The following CCDC169 variants were observed in gnomAD, a reference collection of about 807,000 sequenced individuals.
CCDC169 encodes the protein coiled-coil domain containing 169, also known as coiled-coil domain-containing protein 169.
A neutral mutation model predicts 36.0 loss-of-function variants in CCDC169; 30 were observed. That is an observed-to-expected ratio of 0.83 (90% CI 0.62 to 1.13). The LOEUF (loss-of-function observed/expected upper bound fraction) is 1.13, where lower values mean the gene tolerates loss of function less well. Ranked by LOEUF, CCDC169 falls within the 50% of genes most tolerant of loss-of-function variation. The pLI, the probability that CCDC169 is intolerant of heterozygous loss-of-function variation, is 0.00. For synonymous variants in CCDC169, 85 were observed against 81.5 expected (o/e 1.04, Z -0.23); for missense variants, 245 against 245.9 (o/e 1.00, Z 0.03).
chr13:36,249,702 G>T (rs1226178474), intron 6 of CCDC169, among the ~76,000 whole-genome samples: 1 of 151,566 alleles, frequency 6.6e-6, no homozygotes, highest in Non-Finnish European at 1.5e-5. Context: ...ATAAGCCAAA[G>T]GCAGTAAAAG....
intron 7 of CCDC169, among the ~76,000 whole-genome samples, chr13:36,246,614 T>C (rs978748): frequency 1 from 152,319 of 152,360 alleles, 76,139 homozygotes; most frequent in Non-Finnish European, 1. Flanking sequence ...AGTGAAGCAG[T>C]AAGTGCTGAT....
chr13:36,237,658 G>C (rs1032579902), intron 7 of CCDC169, among the ~76,000 whole-genome samples: 6 of 152,154 alleles, frequency 3.9e-5, no homozygotes, highest in Non-Finnish European at 7.3e-5. Context: ...CCATGAAAAT[G>C]TTATATTAAG....
chr13:36,280,065 A>G (rs985254098), intron 4 of CCDC169: 14 of 147,402 alleles, frequency 9.5e-5, no homozygotes, highest in Admixed American at 9.0e-4. Context: ...GATAAAATTT[A>G]CTAGATCTTT....
chr13:36,280,706 T>C (rs1372659048), intron 4 of CCDC169: 1 of 152,368 alleles, frequency 6.6e-6, no homozygotes, highest in East Asian at 1.9e-4. Flanking sequence ...AACAGAACTG[T>C]CTACAGTGGA....
At chr13:36,257,635 G>A (rs370657251) in intron 4 of CCDC169, among the ~76,000 whole-genome samples, 14 of 152,034 alleles carry the variant, frequency 9.2e-5, no homozygotes, top group South Asian at 6.2e-4. Context: ...CGCGGGAGGC[G>A]GGGGTTGTAG....
intron 6 of CCDC169, among the ~76,000 whole-genome samples, chr13:36,252,367 T>C (rs1407632257): frequency 6.6e-6 from 1 of 152,240 alleles, no homozygotes; most frequent in Non-Finnish European, 1.5e-5. Context: ...ATACTTCCCT[T>C]TACCAACAAT....
At chr13:36,297,267 A>G (rs1257283614) in intron 1 of CCDC169, among the ~76,000 whole-genome samples, 1 of 151,658 alleles carries the variant, frequency 6.6e-6, no homozygotes, top group Non-Finnish European at 1.5e-5. Context: ...GGATGAAAGA[A>G]AAAAAAAACC....
In CCDC169 at chr13:36,297,784, C is replaced by A. The variant is rs1879722758; in HGVS notation, c.-65G>T. Reference sequence around the variant, plus strand: ...ACCTTAGAGCACAAGACATTAAGGGCCACCCAGAAGCCAGTACGGCACGAG... The same window carrying A: ...ACCTTAGAGCACAAGACATTAAGGGACACCCAGAAGCCAGTACGGCACGAG... On this transcript the variant is annotated 5_prime_UTR_variant, in exon 1 of 8. Coordinates refer to ENST00000239859, the MANE Select transcript of CCDC169 (RefSeq NM_001144981.3). The A allele has an allele frequency of 6.9e-6, 10 of 1,443,858 alleles. No homozygotes were observed. In the East Asian group the frequency reaches 2.2e-4, roughly 32 times the overall value. The allele number at this position is 1,443,858 out of a possible 1,614,324, so 89.4% of individuals were successfully genotyped here.
In CCDC169 at chr13:36,281,360, T is replaced by C. The variant is rs747874932; in HGVS notation, c.315+2109A>G. 61 of 399,292 alleles carry C rather than the reference T, an allele frequency of 1.5e-4. 1 individual carries two copies. The highest frequency in any genetic ancestry group is 2.8e-4 in the Non-Finnish European group (58 of 207,508). The allele number at this position is 399,292 out of a possible 1,614,324, so 24.7% of individuals were successfully genotyped here. A position where few individuals can be genotyped will look rare whatever the true frequency, so the allele number is the denominator to read the frequency against. On this transcript the variant is annotated intron_variant, in intron 4 of 7. Transcript: ENST00000239859. ...AAATGCAACCCTTGATACATCATGC[T>C]AAAATAAAATTTTAATAAATTACCC...
chr13:36,286,799 AG>A, intron 2 of CCDC169, among the ~76,000 whole-genome samples: 1 of 152,086 alleles, frequency 6.6e-6, no homozygotes, highest in East Asian at 1.9e-4. Context: ...TAGGGTGCTG[AG>A]GCTCTCCCTA....
At chr13:36,279,521 CT>C (rs980989423) in intron 4 of CCDC169, among the ~76,000 whole-genome samples, 1 of 152,138 alleles carries the variant, frequency 6.6e-6, no homozygotes, top group African/African-American at 2.4e-5. Context: ...GGTTCTCAAA[CT>C]TTTTTATTAG....
At chr13:36,237,995 T>C (rs1871290148) in intron 7 of CCDC169, among the ~76,000 whole-genome samples, 1 of 152,092 alleles carries the variant, frequency 6.6e-6, no homozygotes. Flanking sequence ...AATGACAAAA[T>C]TGCCTTATGA....
Position 36,270,792 on chromosome 13 carries a change from C to T in CCDC169, c.315+12677G>A, listed in dbSNP as rs559611967. ...CAACTCAAGATGGATCAAAGACTTACATATAAGATCTGAAAGTATAAAAAT... is the reference window on the plus strand; with the variant it reads ...CAACTCAAGATGGATCAAAGACTTATATATAAGATCTGAAAGTATAAAAAT... On this transcript the variant is annotated intron_variant, in intron 4 of 7. Transcript: ENST00000239859. Among the ~76,000 whole-genome samples, 270 of 149,580 alleles carry T rather than the reference C, an allele frequency of 1.8e-3. 2 individuals are homozygous for T. The highest frequency in any genetic ancestry group is 5.9e-3 in the African/African-American group (241 of 40,962).
intron 4 of CCDC169, among the ~76,000 whole-genome samples, chr13:36,266,443 G>A (rs1875331650): frequency 6.6e-6 from 1 of 152,140 alleles, no homozygotes. Context: ...CTATCCAGAT[G>A]TCCTGTCAGA....
chr13:36,276,871 T>C (rs1876892107), intron 4 of CCDC169, among the ~76,000 whole-genome samples: 1 of 152,192 alleles, frequency 6.6e-6, no homozygotes, highest in Non-Finnish European at 1.5e-5. Context: ...TCTTAAGTTG[T>C]GCTCTGTAAT....
chr13:36,268,023 T>A (rs1457741768), intron 4 of CCDC169, among the ~76,000 whole-genome samples: 1 of 152,068 alleles, frequency 6.6e-6, no homozygotes, highest in African/African-American at 2.4e-5. Flanking sequence ...AACACAATAA[T>A]GGTGAAAGAC....
chr13:36,283,503 A>G lies in CCDC169; in HGVS notation c.281T>C (p.Leu94Pro). ...TCGTTCATAGACACGAATAGAAGAT[A>G]GTCTATCTACAATAAATCAAATATG... ...EKIHGNSSDR[L>P]SSIRVYERMP... is the part of the protein sequence containing the mutation. The change falls in exon 4 of 8, where the codon CTA (leucine) becomes CCA (proline). Residue 94 changes from leucine to proline, a missense_variant. Coordinates refer to ENST00000239859, the MANE Select transcript of CCDC169 (RefSeq NM_001144981.3). 1 of 1,550,402 alleles carries G rather than the reference A, an allele frequency of 6.4e-7. No individual in the cohort carries two copies. Among genetic ancestry groups the G allele is most frequent in the Non-Finnish European group, 8.7e-7 (1 of 1,145,988 alleles).
chr13:36,270,874 T>C (rs1408907539), intron 4 of CCDC169, among the ~76,000 whole-genome samples: 21 of 152,294 alleles, frequency 1.4e-4, no homozygotes, highest in Middle Eastern at 3.4e-3. Context: ...AAAGAATTCA[T>C]GACTAAGATG....
chr13:36,226,405 C>T (rs1218204170), downstream of CCDC169: 2 of 152,188 alleles, frequency 1.3e-5, no homozygotes, highest in Non-Finnish European at 2.9e-5. Flanking sequence ...CCTAGATCCT[C>T]CACATGCACA....
Sources: gnomAD v4.1 joint callset for allele counts (sites outside exome capture counted in the v4.1 genomes callset) on GRCh38, gnomAD v4.1.1 for gene constraint, MANE v1.5 for transcripts, NCBI Gene and HGNC (gene_info 2026-07-23, HGNC 2026-07-21) for gene names.